The following REXO2 variants were observed in gnomAD, a reference collection of about 807,000 sequenced individuals.
REXO2 encodes RNA exonuclease 2, also known as oligoribonuclease, mitochondrial.
Under a neutral mutation model 30.9 loss-of-function variants are expected in REXO2, and 17 were observed. The observed-to-expected ratio is 0.55, with a 90% CI of 0.38 to 0.82. The LOEUF is 0.82. Among genes scored for constraint, REXO2 ranks in the 40% least tolerant of loss-of-function variants. The pLI, the probability that REXO2 is intolerant of heterozygous loss-of-function variation, is 0.00. For missense variants in REXO2, 253 were observed against 293.2 expected, an observed-to-expected ratio of 0.86 and a Z score of 1.00; for synonymous variants, 105 against 99.6, an observed-to-expected ratio of 1.05 and a Z score of -0.32.
chr11:114,448,671 T>C (rs1946526218), intron 6 of REXO2, among the ~76,000 whole-genome samples: 1 of 152,240 alleles, frequency 6.6e-6, no homozygotes, highest in African/African-American at 2.4e-5. Context: ...TTGTTTATTA[T>C]CTTGTAGCAT....
chr11:114,445,225 T>G (rs1426436979), intron 4 of REXO2: 1 of 152,220 alleles, frequency 6.6e-6, no homozygotes, highest in African/African-American at 2.4e-5. Flanking sequence ...TTTAGTCTCT[T>G]AATGTAAAAC....
chr11:114,447,059 C>A (rs1946514254), intron 5 of REXO2, among the ~76,000 whole-genome samples: 1 of 151,932 alleles, frequency 6.6e-6, no homozygotes, highest in Admixed American at 6.6e-5. Flanking sequence ...CTGCCTCAGC[C>A]TCCCGAGTAG....
At chr11:114,449,226 C>G (rs73556010) in intron 6 of REXO2, 1 of 152,158 alleles carries the variant, frequency 6.6e-6, no homozygotes, top group African/African-American at 2.4e-5. Context: ...GGTAGATCCT[C>G]TGGTATGGTT....
intron 1 of REXO2, chr11:114,440,077 G>T: frequency 4.2e-6 from 2 of 476,566 alleles, no homozygotes; most frequent in South Asian, 3.1e-5. Context: ...CTCCGGAGAT[G>T]ACTCAGCCTT....
At position 114,439,649 on chromosome 11, in the gene REXO2, C is replaced by A; in HGVS notation, c.121C>A (p.Gln41Lys). The change falls in exon 1 of 7, where the codon CAG (glutamine) becomes AAG (lysine). Residue 41 changes from glutamine to lysine, a missense_variant. By Grantham distance (53) the Gln-to-Lys change is moderately conservative. Transcript: ENST00000265881. ...CATGGCGGCAGGGGAGAGCATGGCT[C>A]AGCGGATGGTCTGGGTGGACCTGGA... Reference protein sequence around the residue: ...AAMAAGESMAQRMVWVDLEMT... With the variant: ...AAMAAGESMAKRMVWVDLEMT... 1 of 1,583,506 alleles carries A rather than the reference C, an allele frequency of 6.3e-7. No homozygotes were observed. The highest frequency in any genetic ancestry group is 8.6e-7 in the Non-Finnish European group (1 of 1,167,616).
chr11:114,439,745 C>T (rs1591209742), intron 1 of REXO2, 70 bp downstream of exon 1: 2 of 1,426,036 alleles, frequency 1.4e-6, no homozygotes, highest in Non-Finnish European at 1.8e-6. Flanking sequence ...GAGTCGAGCC[C>T]GTCCTGGGAG....
intron 6 of REXO2, among the ~76,000 whole-genome samples, chr11:114,448,115 A>T (rs771925057): frequency 6.6e-6 from 1 of 152,206 alleles, no homozygotes; most frequent in Admixed American, 6.5e-5. Context: ...AGCTTGGTTT[A>T]TAGGAATGAT....
intron 5 of REXO2, 101 bp from the exon 6 acceptor site, chr11:114,447,725 C>T: frequency 1.0e-6 from 1 of 957,162 alleles, no homozygotes; most frequent in Non-Finnish European, 1.6e-6. Flanking sequence ...AGAATCATGA[C>T]TCAAATGCCA....
chr11:114,439,524 G>A lies in REXO2; in HGVS notation c.-5G>A, dbSNP rs1478251635. On this transcript the variant is annotated 5_prime_UTR_variant, in exon 1 of 7. Coordinates refer to ENST00000265881, the MANE Select transcript of REXO2 (RefSeq NM_015523.4). ...GACTGGGGCCGTGGCTGCTGGTCCC[G>A]GGTGATGCTAGGCGGCTCCCTGGGC... 7 of 1,605,364 alleles carry A rather than the reference G, an allele frequency of 4.4e-6. No individual in the cohort carries two copies. The highest frequency in any genetic ancestry group is 1.7e-5 in the Admixed American group (1 of 59,926).
intron 3 of REXO2, chr11:114,444,260 T>G: frequency 1.6e-6 from 1 of 615,106 alleles, no homozygotes; most frequent in Non-Finnish European, 3.0e-6. Context: ...CTCCTGTTAA[T>G]AGTTGTTTCT....
intron 1 of REXO2, chr11:114,440,250 T>G: frequency 2.4e-6 from 1 of 420,852 alleles, no homozygotes; most frequent in Non-Finnish European, 4.7e-6. Context: ...TGAGCCTCAG[T>G]TTATATGAAG....
At chr11:114,444,890 C>T (rs1001268071) in intron 4 of REXO2, among the ~76,000 whole-genome samples, 4 of 152,140 alleles carry the variant, frequency 2.6e-5, no homozygotes, top group African/African-American at 9.7e-5. Flanking sequence ...AAGAATTTCT[C>T]CCATATTTTT....
chr11:114,442,866 C>T (rs139573584), intron 2 of REXO2, among the ~76,000 whole-genome samples: 65 of 152,214 alleles, frequency 4.3e-4, no homozygotes, highest in African/African-American at 1.5e-3. Context: ...TGGATATCAA[C>T]AATTACCTCT....
chr11:114,441,262 T>C (rs1292471141), intron 2 of REXO2, among the ~76,000 whole-genome samples: 2 of 152,248 alleles, frequency 1.3e-5, no homozygotes, highest in Admixed American at 6.5e-5. Context: ...CTCGTGCCAA[T>C]GTTTGCGTCT....
At chr11:114,443,678 G>GT (rs1017560980) in intron 2 of REXO2, among the ~76,000 whole-genome samples, 178 bp from the exon 3 acceptor site, 1 of 152,084 alleles carries the variant, frequency 6.6e-6, no homozygotes, top group Non-Finnish European at 1.5e-5. Context: ...GTGTATGTTC[G>GT]TATGTTCTAT....
rs75726739 is a variant in REXO2 at position 114,449,861 on chromosome 11, T to C, written c.600T>C (p.Ile200=). 2.2e-3 allele frequency: 3,512 copies of C among 1,609,910 alleles called. 63 individuals carry two copies. In the African/African-American group the frequency reaches 0.043, roughly 20 times the overall value. ...TTGCTTATAGGGCACTTGATGACAT[T>C]AGTGAAAGCATCAAAGAGCTTCAGT... ...KAASHRALDD[I]SESIKELQFY... The change falls in exon 7 of 7, where the codon ATT becomes ATC. Residue 200 remains isoleucine (I), a synonymous_variant. Transcript: ENST00000265881.
rs144984096 is a variant in REXO2, at chr11:114,446,048, A to G, written c.491A>G (p.Tyr164Cys). Reference protein sequence around the residue: ...YMPQFMKHLHYRIIDVSTVKE... With the variant: ...YMPQFMKHLHCRIIDVSTVKE... ...CCCCAGTTCATGAAACATCTTCATT[A>G]TAGAATAATTGATGTGAGCACTGTT... Residue 164 changes from tyrosine to cysteine, a missense_variant, in exon 5 of 7, where the codon TAT becomes TGT. Coordinates refer to ENST00000265881, the MANE Select transcript of REXO2 (RefSeq NM_015523.4). 2 of 1,607,012 alleles carry G rather than the reference A, an allele frequency of 1.2e-6. No individual in the cohort carries two copies. The highest frequency in any genetic ancestry group is 8.5e-7 in the Non-Finnish European group (1 of 1,174,810).
Position 114,439,680 on chromosome 11 carries a change from G to C in REXO2, c.147+5G>C, listed in dbSNP as rs369599734. ...ATGGTCTGGGTGGACCTGGAGGTGAGTGAGGTCGGCGGGGGGCTTGGGGAG... is the reference window on the plus strand; with the variant it reads ...ATGGTCTGGGTGGACCTGGAGGTGACTGAGGTCGGCGGGGGGCTTGGGGAG... On this transcript the variant is annotated splice_donor_5th_base_variant and intron_variant, in intron 1 of 6. Coordinates refer to ENST00000265881, the MANE Select transcript of REXO2 (RefSeq NM_015523.4). 543 of 1,508,778 alleles carry C rather than the reference G, an allele frequency of 3.6e-4. 1 individual carries two copies. Among genetic ancestry groups the C allele is most frequent in the Non-Finnish European group, 4.4e-4 (503 of 1,132,708 alleles). 93.5% of individuals were successfully genotyped at this position (1,508,778 alleles called of 1,614,324 possible).
At chr11:114,446,493 A>T in intron 5 of REXO2, 1 of 154,286 alleles carries the variant, frequency 6.5e-6, no homozygotes, top group Non-Finnish European at 1.4e-5. Context: ...GTGCGTATGG[A>T]CTAGTGAGGT....
Sources: gnomAD v4.1 joint callset for allele counts (sites outside exome capture counted in the v4.1 genomes callset) on GRCh38, gnomAD v4.1.1 for gene constraint, MANE v1.5 for transcripts, NCBI Gene and HGNC (gene_info 2026-07-23, HGNC 2026-07-21) for gene names.